ZNF274: variants seen among roughly 807,000 people sequenced by gnomAD.
The protein encoded by ZNF274 is zinc finger protein 274.
ZNF274 carries 23 observed loss-of-function variants against 42.5 expected under a neutral mutation model. The ratio of observed to expected loss-of-function variants is 0.54; its 90% CI spans 0.39 to 0.77. ZNF274 has a LOEUF of 0.77. ZNF274 is among the 30% of genes least tolerant of loss of function. The pLI, the probability that ZNF274 is intolerant of heterozygous loss-of-function variation, is 0.00. For synonymous variants in ZNF274, 292 were observed against 305.4 expected, an observed-to-expected ratio of 0.96 and a Z score of 0.46; for missense variants, 679 against 806.5, an observed-to-expected ratio of 0.84 and a Z score of 1.91.
chr19:58,211,329 G>T lies in ZNF274; in HGVS notation c.853-231G>T. On this transcript the variant is annotated intron_variant, in intron 6 of 7. Coordinates refer to ENST00000617501, the MANE Select transcript of ZNF274 (RefSeq NM_133502.3). The surrounding 1 kb of genome is among the most constrained non-coding windows in gnomAD (Gnocchi z 4.8). Reference sequence around the variant, plus strand: ...ATGGAGTTGTTTGCTTGTTGCACTTGGAGCTCTTTATGAAGCAAGGGCTCT... The same window carrying T: ...ATGGAGTTGTTTGCTTGTTGCACTTTGAGCTCTTTATGAAGCAAGGGCTCT... 1 of 420,612 alleles carries T rather than the reference G, an allele frequency of 2.4e-6. No individual in the cohort carries two copies. The highest frequency in any genetic ancestry group is 4.2e-6 in the Non-Finnish European group (1 of 238,506). 26.1% of individuals were successfully genotyped at this position (420,612 alleles called of 1,614,324 possible).
chr19:58,204,584 T>C (rs2146236600), intron 4 of ZNF274, among the ~76,000 whole-genome samples: 1 of 152,220 alleles, frequency 6.6e-6, no homozygotes, highest in South Asian at 2.1e-4. Flanking sequence ...CGCCCGAGCT[T>C]TTTTATTTTT....
chr19:58,188,696 A>ATG (rs2075739628), intron 4 of ZNF274, among the ~76,000 whole-genome samples: 15 of 46,346 alleles, frequency 3.2e-4, no homozygotes, highest in Non-Finnish European at 5.9e-4. Context: ...ATGTATATGT[A>ATG]TATATATATA....
rs1453894797 is a variant in ZNF274, at chr19:58,212,960, T to G, written c.1779T>G (p.Cys593Trp). Residue 593 changes from cysteine to tryptophan, a missense_variant, in exon 8 of 8, where the codon TGT becomes TGG. Cys to Trp is a radical substitution (Grantham distance 215). This residue lies in a region of ZNF274 where 456 missense variants were observed against 590.1 expected (regional missense o/e 0.77). Transcript: ENST00000617501. The surrounding 1 kb of genome is among the most constrained non-coding windows in gnomAD (Gnocchi z 4.6). ...RTHTGAKPYKCQDCGKAFRQS... is the reference protein window; with the variant it reads ...RTHTGAKPYKWQDCGKAFRQS... ...ACACTGGCGCTAAGCCCTACAAGTG[T>G]CAGGACTGTGGAAAAGCCTTCCGCC... 6.2e-7 allele frequency: 1 copy of G among 1,613,926 alleles called. No homozygotes were observed.
At chr19:58,200,005 G>GAATACAAATACCATTT (rs1333764490) in intron 4 of ZNF274, among the ~76,000 whole-genome samples, 1 of 152,200 alleles carries the variant, frequency 6.6e-6, no homozygotes, top group Non-Finnish European at 1.5e-5. Flanking sequence ...TTTACCATGG[G>GAATACAAATACCATTT]ACCAGAAATA....
chr19:58,192,957 T>C (rs1175012028), intron 4 of ZNF274, among the ~76,000 whole-genome samples: 1 of 152,100 alleles, frequency 6.6e-6, no homozygotes, highest in Non-Finnish European at 1.5e-5. Flanking sequence ...GGTATCGAGC[T>C]TGCCTCAAGC....
chr19:58,210,266 A>G (rs992679010), intron 6 of ZNF274, 193 bp downstream of exon 6: 2 of 506,006 alleles, frequency 4.0e-6, no homozygotes, highest in African/African-American at 3.9e-5. Context: ...CCACTGTGGC[A>G]TCACTGGAGA....
At chr19:58,209,876 C>A (rs1395379114) in intron 5 of ZNF274, 85 bp from the exon 6 acceptor site, 2 of 823,548 alleles carry the variant, frequency 2.4e-6, no homozygotes, top group African/African-American at 3.4e-5. Context: ...GGTGCGGTGG[C>A]CCCATGGGTT....
intron 4 of ZNF274, among the ~76,000 whole-genome samples, chr19:58,194,371 CT>C (rs766266627): frequency 0.091 from 5,802 of 63,910 alleles, 63 homozygotes; most frequent in Non-Finnish European, 0.099. Flanking sequence ...TGTTTTTTAC[CT>C]TTTTTTTTTT....
chr19:58,185,959 C>A, intron 3 of ZNF274, 121 bp downstream of exon 3: 1 of 857,664 alleles, frequency 1.2e-6, no homozygotes, highest in Non-Finnish European at 1.6e-6. Context: ...GGCAGCTTTT[C>A]AGTATGACTT....
intron 5 of ZNF274, 167 bp from the exon 6 acceptor site, chr19:58,209,794 G>A (rs1568712237): frequency 1.8e-6 from 1 of 561,556 alleles, no homozygotes; most frequent in Non-Finnish European, 3.2e-6. Context: ...GGCACGTGCT[G>A]TGAGGGGAGC....
intron 3 of ZNF274, among the ~76,000 whole-genome samples, chr19:58,186,535 C>CAAAAAAAA (rs10695409): frequency 2.0e-5 from 2 of 102,194 alleles, no homozygotes; most frequent in African/African-American, 7.8e-5. Flanking sequence ...GACTCCGTCT[C>CAAAAAAAA]AAAAAAAAAA....
chr19:58,206,884 G>C lies in ZNF274; in HGVS notation c.421G>C (p.Asp141His), dbSNP rs762047407. 1 of 1,613,866 alleles carries C rather than the reference G, an allele frequency of 6.2e-7. No individual in the cohort carries two copies. Among genetic ancestry groups the C allele is most frequent in the Non-Finnish European group, 8.5e-7 (1 of 1,179,840 alleles). ...TGCTGAAGATGGAAGCCTGAGTGCA[G>C]ATGCCCCCAGTGAGCAGGTCCAACA... Reference protein sequence around the residue: ...LYAEDGSLSADAPSEQVQQQG... With the variant: ...LYAEDGSLSAHAPSEQVQQQG... Residue 141 changes from aspartate (D) to histidine (H), a missense_variant, in exon 5 of 8, where the codon GAT becomes CAT. Transcript: ENST00000617501.
rs765827640 is a variant in ZNF274, at chr19:58,210,085, G to T, written c.852+12G>T. 1 of 1,610,090 alleles carries T rather than the reference G, an allele frequency of 6.2e-7. No individual in the cohort carries two copies. Among genetic ancestry groups the T allele is most frequent in the South Asian group, 1.1e-5 (1 of 90,826 alleles). ...CAGTGCTCCCTGAGGTAAGCGGGGA[G>T]TATCACCCTGTTTTGGTCACAGCAT... On this transcript the variant is annotated intron_variant, in intron 6 of 7. Transcript: ENST00000617501.
Position 58,183,939 on chromosome 19 carries a change from C to G in ZNF274, c.-27C>G, listed in dbSNP as rs1251432565. On this transcript the variant is annotated 5_prime_UTR_variant, in exon 2 of 8. Coordinates refer to ENST00000617501, the MANE Select transcript of ZNF274 (RefSeq NM_133502.3). ...TCCTCAGGACTCTGCCCACTTCCAC[C>G]AGAGACACATTGAGAAGGAGGAAAC... is the stretch of plus-strand genomic sequence containing the variant. The G allele has an allele frequency of 1.3e-6, 2 of 1,587,270 alleles. No homozygotes were observed. Among genetic ancestry groups the G allele is most frequent in the Non-Finnish European group, 1.7e-6 (2 of 1,166,680 alleles).
chr19:58,205,859 CA>C (rs1451362006), intron 4 of ZNF274, among the ~76,000 whole-genome samples: 1 of 152,176 alleles, frequency 6.6e-6, no homozygotes, highest in Non-Finnish European at 1.5e-5. Flanking sequence ...ACCATGCATA[CA>C]TGTACAGTGT....
At position 58,212,182 on chromosome 19, in the gene ZNF274, A is replaced by T; in HGVS notation, c.1001A>T (p.Asn334Ile). Residue 334 changes from asparagine to isoleucine, a missense_variant, in exon 8 of 8, where the codon AAT becomes ATT. Coordinates refer to ENST00000617501, the MANE Select transcript of ZNF274 (RefSeq NM_133502.3). This position sits in a 1 kb window ranked among gnomAD's most constrained non-coding sequence, Gnocchi z 4.6. ...TCAGGGTGGGAGACTACACTGGAAA[A>T]TAAAGAGTTAGCTCCAAATTCTGAC... is the stretch of plus-strand genomic sequence containing the variant. ...VSVGWETTLE[N>I]KELAPNSDIP... 1 of 1,607,298 alleles carries T rather than the reference A, an allele frequency of 6.2e-7. No individual in the cohort carries two copies. Among genetic ancestry groups the T allele is most frequent in the Non-Finnish European group, 8.5e-7 (1 of 1,179,170 alleles).
chr19:58,188,750 AG>A lies in ZNF274; in HGVS notation c.256+1712del, dbSNP rs1252786702. Among the ~76,000 whole-genome samples the A allele has an allele frequency of 3.7e-5, 5 of 133,670 alleles. No individual in the cohort carries two copies. The East Asian group carries it at 1.1e-3, about 29-fold the overall frequency. The allele number at this position is 133,670 out of a possible 152,430, so 87.7% of individuals were successfully genotyped here. A position where few individuals can be genotyped will look rare whatever the true frequency, so the allele number is the denominator to read the frequency against. On this transcript the variant is annotated intron_variant, in intron 4 of 7. Coordinates refer to ENST00000617501, the MANE Select transcript of ZNF274 (RefSeq NM_133502.3). ...AATCTTTAAAAATAGGCCAGGCACC[AG>A]GGGCTCATGCCTATAATCCCAGCAA...
chr19:58,184,371 C>T (rs964085708), intron 2 of ZNF274: 6 of 174,048 alleles, frequency 3.4e-5, no homozygotes, highest in South Asian at 2.1e-4. Context: ...CTCACTGCAA[C>T]CTCCGCCTCC....
intron 4 of ZNF274, among the ~76,000 whole-genome samples, chr19:58,196,082 G>C (rs534563064): frequency 2.0e-5 from 3 of 152,160 alleles, no homozygotes; most frequent in African/African-American, 7.2e-5. Context: ...GGTGGCACTC[G>C]AATCTTCAGC....
Sources: allele counts gnomAD v4.1 joint callset (sites outside exome capture counted in the v4.1 genomes callset), GRCh38; gene constraint gnomAD v4.1.1; regional missense constraint gnomAD v4.1.1; non-coding constraint Gnocchi (gnomAD v3.1); transcripts MANE v1.5; gene names NCBI Gene and HGNC (gene_info 2026-07-23, HGNC 2026-07-21).